The following DPP10 variants were observed in gnomAD, a reference collection of about 807,000 sequenced individuals.
DPP10 encodes the protein dipeptidyl peptidase like 10, also known as inactive dipeptidyl peptidase 10.
In DPP10, 33 loss-of-function variants were observed where a neutral mutation model predicts 120.9. That is an observed-to-expected ratio of 0.27 (90% CI 0.21 to 0.37). The LOEUF is 0.37. DPP10 is among the 10% of genes least tolerant of loss of function. The pLI is 1.00. For synonymous variants in DPP10, 337 were observed against 326.1 expected, an observed-to-expected ratio of 1.03 and a Z score of -0.36; for missense variants, 816 against 942.8, an observed-to-expected ratio of 0.87 and a Z score of 1.76.
chr2:115,026,786 C>G lies in DPP10; in HGVS notation c.61-282453C>G, dbSNP rs931176296. Among the ~76,000 whole-genome samples, 6 of 152,306 alleles carry G rather than the reference C, an allele frequency of 3.9e-5. 1 individual carries two copies. Among genetic ancestry groups the G allele is most frequent in the Admixed American group, 1.3e-4 (2 of 15,294 alleles). On this transcript the variant is annotated intron_variant, in intron 1 of 25. Coordinates refer to ENST00000410059, the MANE Select transcript of DPP10 (RefSeq NM_020868.6). The stretch of plus-strand genomic sequence containing the variant: ...TCCTGGCCCCATGCAATCTTCCCAC[C>G]TCTGCCTCCCAAATGCTGGGATTAC...
Position 114,779,712 on chromosome 2 carries a change from T to C in DPP10, c.60+336874T>C, listed in dbSNP as rs1682112496. Among the ~76,000 whole-genome samples the C allele has an allele frequency of 2.0e-5, 3 of 152,180 alleles. No homozygotes were observed. The South Asian group carries it at 6.2e-4, about 31-fold the overall frequency. On this transcript the variant is annotated intron_variant, in intron 1 of 25. Coordinates refer to ENST00000410059, the MANE Select transcript of DPP10 (RefSeq NM_020868.6). ...GTGTTAAGGATGCCCAACCTTGCGC[T>C]AAAGTAACCTGATAGACCCAGAAAT...
intron 3 of DPP10, among the ~76,000 whole-genome samples, chr2:115,467,776 T>A (rs1455882124): frequency 6.6e-6 from 1 of 152,146 alleles, no homozygotes; most frequent in Non-Finnish European, 1.5e-5. Context: ...AATGGAATAT[T>A]TATTAACTAG....
intron 3 of DPP10, among the ~76,000 whole-genome samples, chr2:115,469,901 A>AAAAAAAAG (rs2074586262): frequency 6.7e-5 from 5 of 74,648 alleles, no homozygotes; most frequent in African/African-American, 8.1e-5. Context: ...AAAAAAAAAG[A>AAAAAAAAG]AAAAAAAAAA....
intron 3 of DPP10, among the ~76,000 whole-genome samples, chr2:115,383,962 A>G (rs533839163): frequency 6.6e-6 from 1 of 152,310 alleles, no homozygotes; most frequent in African/African-American, 2.4e-5. Context: ...ACCAAATATA[A>G]AGTATCTGTC....
At chr2:114,486,881 C>T (rs1681566391) in intron 1 of DPP10, among the ~76,000 whole-genome samples, 2 of 152,148 alleles carry the variant, frequency 1.3e-5, no homozygotes, top group Non-Finnish European at 2.9e-5. Context: ...CATAACCAAT[C>T]AACCATTTCA....
intron 1 of DPP10, among the ~76,000 whole-genome samples, chr2:115,191,593 CTTTAGT>C (rs2054886841): frequency 6.6e-6 from 1 of 152,172 alleles, no homozygotes. Flanking sequence ...TTTTTCTTAG[CTTTAGT>C]TTGGTAGGGT....
At position 115,254,529 on chromosome 2, in the gene DPP10, C is replaced by T. The variant is rs533503375; in HGVS notation, c.61-54710C>T. The stretch of plus-strand genomic sequence containing the variant: ...TGCAGTAACGCCCTTCCAACAGTCC[C>T]GCAAAGTCTTAACTCATTCCAACAT... On this transcript the variant is annotated intron_variant, in intron 1 of 25. Transcript: ENST00000410059. 5.3e-5 allele frequency among the ~76,000 whole-genome samples: 8 copies of T among 152,302 alleles called. No homozygotes were observed. In the South Asian group the frequency reaches 6.2e-4, roughly 12 times the overall value.
At chr2:114,497,861 G>A (rs1682815474) in intron 1 of DPP10, among the ~76,000 whole-genome samples, 1 of 152,154 alleles carries the variant, frequency 6.6e-6, no homozygotes, top group South Asian at 2.1e-4. Flanking sequence ...CAGAACAAGG[G>A]GGAGGGCAGG....
At chr2:115,495,761 A>G (rs1370343932) in intron 3 of DPP10, among the ~76,000 whole-genome samples, 1 of 152,180 alleles carries the variant, frequency 6.6e-6, no homozygotes, top group Non-Finnish European at 1.5e-5. Flanking sequence ...CAGGCCAGAT[A>G]GTGATTCTAT....
chr2:115,333,401 T>C (rs998382300), intron 2 of DPP10, among the ~76,000 whole-genome samples: 2 of 152,186 alleles, frequency 1.3e-5, no homozygotes, highest in African/African-American at 4.8e-5. Context: ...TGTCTTTTAA[T>C]TGGAGCATTT....
At chr2:114,827,613 T>C (rs1202813877) in intron 1 of DPP10, among the ~76,000 whole-genome samples, 1 of 151,882 alleles carries the variant, frequency 6.6e-6, no homozygotes, top group Non-Finnish European at 1.5e-5. Context: ...GTTACTTGCT[T>C]TGTGTGTGTG....
At chr2:115,572,096 AC>A (rs2081367316) in intron 5 of DPP10, among the ~76,000 whole-genome samples, 2 of 152,164 alleles carry the variant, frequency 1.3e-5, no homozygotes, top group African/African-American at 4.8e-5. Flanking sequence ...AAAGCATGTA[AC>A]ACCACACCTG....
intron 3 of DPP10, among the ~76,000 whole-genome samples, chr2:115,346,808 T>C (rs1191760619): frequency 6.6e-6 from 1 of 152,164 alleles, no homozygotes; most frequent in Non-Finnish European, 1.5e-5. Flanking sequence ...CCCAGAAAAC[T>C]GAGGCTTAAC....
intron 21 of DPP10, among the ~76,000 whole-genome samples, chr2:115,824,869 C>T (rs1382344770): frequency 1.3e-5 from 2 of 152,106 alleles, no homozygotes; most frequent in Non-Finnish European, 2.9e-5. Context: ...AATACTACTA[C>T]CTCTTTTCTA....
chr2:115,565,243 G>C (rs1414990989), intron 5 of DPP10, among the ~76,000 whole-genome samples: 6 of 152,102 alleles, frequency 3.9e-5, no homozygotes, highest in Non-Finnish European at 8.8e-5. Flanking sequence ...TTATAAGAAA[G>C]TTGCAAAATT....
At chr2:115,347,690 T>G (rs750790648) in intron 3 of DPP10, among the ~76,000 whole-genome samples, 1 of 152,044 alleles carries the variant, frequency 6.6e-6, no homozygotes, top group Non-Finnish European at 1.5e-5. Context: ...TGTCTATGTG[T>G]TCTCATTGTG....
intron 5 of DPP10, among the ~76,000 whole-genome samples, chr2:115,561,358 C>CAAAA (rs11421762): frequency 8.4e-5 from 5 of 59,802 alleles, no homozygotes; most frequent in Non-Finnish European, 8.4e-5. Context: ...GACTCCATCA[C>CAAAA]AAAAAAAAAA....
At chr2:115,371,692 G>A (rs902454530) in intron 3 of DPP10, among the ~76,000 whole-genome samples, 2 of 151,992 alleles carry the variant, frequency 1.3e-5, no homozygotes, top group Non-Finnish European at 2.9e-5. Flanking sequence ...GAAGAGGATA[G>A]CACTAAAGGC....
intron 1 of DPP10, among the ~76,000 whole-genome samples, chr2:114,626,726 C>T (rs770227223): frequency 1.3e-5 from 2 of 152,018 alleles, no homozygotes; most frequent in Non-Finnish European, 2.9e-5. Flanking sequence ...AGAAAAAGTA[C>T]ACTACCAAGT....
Sources: gnomAD v4.1 joint callset for allele counts (sites outside exome capture counted in the v4.1 genomes callset) on GRCh38, gnomAD v4.1.1 for gene constraint, MANE v1.5 for transcripts, NCBI Gene and HGNC (gene_info 2026-07-23, HGNC 2026-07-21) for gene names.